The following NKAIN3 variants were observed in gnomAD, a reference collection of about 807,000 sequenced individuals.
The protein encoded by NKAIN3 is sodium/potassium transporting ATPase interacting 3.
In NKAIN3, 25 loss-of-function variants were observed where a neutral mutation model predicts 30.2. The observed-to-expected ratio is 0.83, with a 90% CI of 0.60 to 1.16. NKAIN3 has a LOEUF of 1.16. Ranked by LOEUF, NKAIN3 falls within the 50% of genes most tolerant of loss-of-function variation. NKAIN3 has a pLI of 0.00. For missense variants in NKAIN3, 225 were observed against 254.1 expected (o/e 0.89, Z 0.78); for synonymous variants, 91 against 89.6 (o/e 1.02, Z -0.09).
At chr8:62,554,388 T>C (rs1343408402) in intron 1 of NKAIN3, among the ~76,000 whole-genome samples, 2 of 152,170 alleles carry the variant, frequency 1.3e-5, no homozygotes, top group Non-Finnish European at 1.5e-5. Context: ...GAAGAATCTT[T>C]TAATGAAGCA....
intron 4 of NKAIN3, among the ~76,000 whole-genome samples, chr8:62,906,967 C>T (rs4543531): frequency 0.68 from 103,292 of 152,066 alleles, 36,006 homozygotes; most frequent in East Asian, 0.9. Context: ...TGGAACAGTT[C>T]GAAGGGCTCA....
chr8:62,403,137 C>T (rs1368600772), intron 1 of NKAIN3, among the ~76,000 whole-genome samples: 3 of 152,100 alleles, frequency 2.0e-5, no homozygotes, highest in Non-Finnish European at 4.4e-5. Context: ...AGCATTTTGC[C>T]CCTGCCCTAA....
In NKAIN3 at chr8:62,283,028, G is replaced by A. The variant is rs530549155; in HGVS notation, c.54+33901G>A. On this transcript the variant is annotated intron_variant, in intron 1 of 6. Coordinates refer to ENST00000623646, the MANE Select transcript of NKAIN3 (RefSeq NM_001304533.3). ...CTGAACTCAGAGCCTAACAGCAATGGCTCAAGTGCACCACACCGTATTATT... is the reference window on the plus strand; with the variant it reads ...CTGAACTCAGAGCCTAACAGCAATGACTCAAGTGCACCACACCGTATTATT... Among the ~76,000 whole-genome samples the A allele has an allele frequency of 7.2e-5, 11 of 152,252 alleles. No individual in the cohort carries two copies. The South Asian group carries it at 2.3e-3, about 32-fold the overall frequency.
At chr8:62,284,828 TA>T (rs1342553920) in intron 1 of NKAIN3, among the ~76,000 whole-genome samples, 1 of 152,066 alleles carries the variant, frequency 6.6e-6, no homozygotes, top group African/African-American at 2.4e-5. Flanking sequence ...TGTAATTACC[TA>T]AATGCAGGTG....
At chr8:62,784,137 T>TGAGA (rs1817442890) in intron 4 of NKAIN3, among the ~76,000 whole-genome samples, 1 of 151,946 alleles carries the variant, frequency 6.6e-6, no homozygotes, top group African/African-American at 2.4e-5. Context: ...AACACAGTTA[T>TGAGA]GAGAGGTAAA....
chr8:62,578,714 T>C (rs1810199094), intron 1 of NKAIN3, among the ~76,000 whole-genome samples: 1 of 152,062 alleles, frequency 6.6e-6, no homozygotes, highest in African/African-American at 2.4e-5. Flanking sequence ...TGGAGTTCTT[T>C]GTTTTTGATC....
intron 1 of NKAIN3, among the ~76,000 whole-genome samples, chr8:62,362,298 T>A (rs1816590246): frequency 6.7e-6 from 1 of 149,568 alleles, no homozygotes; most frequent in African/African-American, 2.5e-5. Flanking sequence ...ATAGCTCAAA[T>A]GGTCATAATG....
chr8:62,936,187 C>G (rs73264608), intron 5 of NKAIN3, among the ~76,000 whole-genome samples: 2,792 of 152,232 alleles, frequency 0.018, 98 homozygotes, highest in African/African-American at 0.063. Flanking sequence ...CGTGATTTCG[C>G]AGCTACATCA....
intron 3 of NKAIN3, among the ~76,000 whole-genome samples, chr8:62,653,710 T>C (rs960942240): frequency 1.3e-5 from 2 of 152,136 alleles, no homozygotes; most frequent in Non-Finnish European, 2.9e-5. Flanking sequence ...GAAGAGACTT[T>C]GCACCAAGTC....
intron 1 of NKAIN3, among the ~76,000 whole-genome samples, chr8:62,271,841 A>G (rs917882598): frequency 5.9e-5 from 9 of 152,138 alleles, no homozygotes; most frequent in African/African-American, 2.2e-4. Context: ...TATCCACAAC[A>G]CTTAGGGAAA....
rs2130910413 is a variant in NKAIN3, at chr8:62,966,866, ATG to A, written c.*1466_*1467del. Among the ~76,000 whole-genome samples the A allele has an allele frequency of 6.6e-6, 1 of 152,310 alleles. No homozygotes were observed. Among genetic ancestry groups the A allele is most frequent in the South Asian group, 2.1e-4 (1 of 4,830 alleles). ...ACCTAAAACTGTTACAAATATTTGTATGTGTGTGAAAGTCTTTTTTCTTCTTG... is the reference window on the plus strand; with the variant it reads ...ACCTAAAACTGTTACAAATATTTGTATGTGTGAAAGTCTTTTTTCTTCTTG... On this transcript the variant is annotated 3_prime_UTR_variant, in exon 7 of 7. Coordinates refer to ENST00000623646, the MANE Select transcript of NKAIN3 (RefSeq NM_001304533.3).
At chr8:62,513,049 A>G (rs1807863244) in intron 1 of NKAIN3, among the ~76,000 whole-genome samples, 1 of 152,080 alleles carries the variant, frequency 6.6e-6, no homozygotes. Flanking sequence ...CTTTTGAAAA[A>G]TATATATAAA....
At chr8:62,798,820 G>T (rs1193389316) in intron 4 of NKAIN3, among the ~76,000 whole-genome samples, 1 of 152,148 alleles carries the variant, frequency 6.6e-6, no homozygotes, top group African/African-American at 2.4e-5. Flanking sequence ...GAATTTGGAA[G>T]TAGGAAGAGT....
At chr8:62,656,501 A>C (rs990092231) in intron 3 of NKAIN3, among the ~76,000 whole-genome samples, 3 of 152,072 alleles carry the variant, frequency 2.0e-5, no homozygotes, top group Non-Finnish European at 2.9e-5. Context: ...GAAAGAAAAA[A>C]AGGAAGGTAG....
intron 4 of NKAIN3, among the ~76,000 whole-genome samples, chr8:62,813,837 G>A (rs1586227349): frequency 6.6e-6 from 1 of 151,970 alleles, no homozygotes; most frequent in Admixed American, 6.6e-5. Context: ...TGCAGGGCCA[G>A]TCTAGTGGTG....
intron 1 of NKAIN3, among the ~76,000 whole-genome samples, chr8:62,345,442 TATAC>T (rs1563942572): frequency 7.4e-6 from 1 of 134,610 alleles, no homozygotes; most frequent in African/African-American, 3.1e-5. Flanking sequence ...TATATGTATA[TATAC>T]ACACATATGT....
At chr8:62,913,512 T>C (rs1821988329) in intron 4 of NKAIN3, among the ~76,000 whole-genome samples, 1 of 152,204 alleles carries the variant, frequency 6.6e-6, no homozygotes, top group African/African-American at 2.4e-5. Context: ...CTCCATACTA[T>C]AATGCAGTTA....
chr8:62,859,202 C>G (rs1285942944), intron 4 of NKAIN3, among the ~76,000 whole-genome samples: 1 of 151,932 alleles, frequency 6.6e-6, no homozygotes, highest in Non-Finnish European at 1.5e-5. Context: ...CTGTGTCACA[C>G]CCAGGTGGGC....
chr8:62,466,509 A>C (rs1806168806), intron 1 of NKAIN3, among the ~76,000 whole-genome samples: 1 of 152,190 alleles, frequency 6.6e-6, no homozygotes, highest in Non-Finnish European at 1.5e-5. Context: ...GACAATGACA[A>C]AGTCTTAACC....
Sources: allele counts gnomAD v4.1 joint callset (sites outside exome capture counted in the v4.1 genomes callset), GRCh38; gene constraint gnomAD v4.1.1; transcripts MANE v1.5; gene names NCBI Gene and HGNC (gene_info 2026-07-23, HGNC 2026-07-21).